The following MICAL3 variants were observed in gnomAD, a reference collection of about 807,000 sequenced individuals.
MICAL3 encodes the protein [F-actin]-monooxygenase MICAL3.
In MICAL3, 62 loss-of-function variants were observed where a neutral mutation model predicts 207.4. The ratio of observed to expected loss-of-function variants is 0.30; its 90% CI spans 0.24 to 0.37. The LOEUF (loss-of-function observed/expected upper bound fraction) is 0.37. Ranked by LOEUF, MICAL3 falls within the 10% of genes least tolerant of loss-of-function variation. The probability of loss-of-function intolerance (pLI) is 1.00; values close to 1 mark genes in which losing one functional copy is unlikely to be tolerated. For missense variants in MICAL3, 2,368 were observed against 2,635.6 expected, an observed-to-expected ratio of 0.90 and a Z score of 2.22; for synonymous variants, 1,077 against 1,069.3, an observed-to-expected ratio of 1.01 and a Z score of -0.14.
At chr22:17,895,882 C>T (rs1930785053) in intron 9 of MICAL3, among the ~76,000 whole-genome samples, 2 of 152,144 alleles carry the variant, frequency 1.3e-5, no homozygotes, top group African/African-American at 2.4e-5. Context: ...TATCAGAAAG[C>T]AAATCACAGG....
intron 1 of MICAL3, among the ~76,000 whole-genome samples, chr22:17,915,762 C>A (rs1932458688): frequency 1.3e-5 from 2 of 152,056 alleles, no homozygotes; most frequent in African/African-American, 4.8e-5. Flanking sequence ...AGCTTGCAAT[C>A]AATGTTCATT....
intron 18 of MICAL3, 54 bp from the exon 19 acceptor site, chr22:17,865,040 C>T: frequency 6.5e-7 from 1 of 1,543,088 alleles, no homozygotes; most frequent in Non-Finnish European, 8.8e-7. Flanking sequence ...CACTCAAATC[C>T]TCAAATCCCT....
intron 29 of MICAL3, among the ~76,000 whole-genome samples, chr22:17,805,267 G>T (rs1225173613): frequency 1.3e-5 from 2 of 152,372 alleles, no homozygotes; most frequent in East Asian, 1.9e-4. Context: ...GAAGAGGAAC[G>T]GGACGCAGAA....
chr22:17,842,532 G>A (rs747356954), intron 19 of MICAL3: 16 of 167,498 alleles, frequency 9.6e-5, no homozygotes, highest in Non-Finnish European at 2.0e-4. Flanking sequence ...CTCATGCTGC[G>A]GATCTGTCTC....
chr22:17,902,780 C>T lies in MICAL3; in HGVS notation c.473-33G>A. On this transcript the variant is annotated intron_variant, in intron 3 of 31. Coordinates refer to ENST00000441493, the MANE Select transcript of MICAL3 (RefSeq NM_015241.3). This position sits in a 1 kb window ranked among gnomAD's most constrained non-coding sequence, Gnocchi z 4.5. ...AATACAGAGATGACGTTGATGGGAACACATGGAGAAGGGGGTACCCATCCG... is the reference window on the plus strand; with the variant it reads ...AATACAGAGATGACGTTGATGGGAATACATGGAGAAGGGGGTACCCATCCG... 1 of 1,369,664 alleles carries T rather than the reference C, an allele frequency of 7.3e-7. No individual in the cohort carries two copies. 84.8% of individuals were successfully genotyped at this position (1,369,664 alleles called of 1,614,324 possible).
intron 22 of MICAL3, among the ~76,000 whole-genome samples, chr22:17,825,536 A>T (rs1922086700): frequency 6.6e-6 from 1 of 152,128 alleles, no homozygotes; most frequent in Non-Finnish European, 1.5e-5. Flanking sequence ...CTGCGCAAAG[A>T]GCAGTGGCCC....
In MICAL3 at chr22:17,887,450, C is replaced by G. The variant is rs1930015815; in HGVS notation, c.1892-15G>C. On this transcript the variant is annotated splice_polypyrimidine_tract_variant and intron_variant, in intron 13 of 31. Transcript: ENST00000441493. ...GTCCAAGGTGTCTGGGAATAGAAAC[C>G]AGTGATGTTCAAGCACAGCCCTTGA... The G allele has an allele frequency of 6.3e-7, 1 of 1,581,928 alleles. No individual in the cohort carries two copies. Among genetic ancestry groups the G allele is most frequent in the Admixed American group, 1.7e-5 (1 of 59,606 alleles).
At position 17,827,658 on chromosome 22, in the gene MICAL3, G is replaced by A. The variant is rs777046089; in HGVS notation, c.3179C>T (p.Ser1060Phe). 1.3e-6 allele frequency: 2 copies of A among 1,572,144 alleles called. No homozygotes were observed. Among genetic ancestry groups the A allele is most frequent in the African/African-American group, 1.4e-5 (1 of 73,956 alleles). The change falls in exon 22 of 32, where the codon TCC (serine) becomes TTC (phenylalanine). Residue 1060 changes from serine to phenylalanine, a missense_variant. Around this residue, in one of 4 missense-constraint regions of MICAL3, gnomAD observed 1,770 missense variants for 1,863.2 expected, o/e 0.95. Coordinates refer to ENST00000441493, the MANE Select transcript of MICAL3 (RefSeq NM_015241.3). Reference protein sequence around the residue: ...EEERMAPASESSASGAPLDEN... With the variant: ...EEERMAPASEFSASGAPLDEN... The stretch of plus-strand genomic sequence containing the variant: ...GGAGTGTTTACCTCCGGAAGCAGAG[G>A]ACTCAGAGGCCGGCGCCATCCTCTC...
At chr22:17,986,295 C>T (rs1050566984) in intron 1 of MICAL3, among the ~76,000 whole-genome samples, 2 of 152,120 alleles carry the variant, frequency 1.3e-5, no homozygotes, top group Non-Finnish European at 2.9e-5. Context: ...CCAAGATGGG[C>T]GGATCACCTG....
intron 1 of MICAL3, among the ~76,000 whole-genome samples, chr22:17,909,523 TCAAAACAAAA>T (rs1164710986): frequency 6.6e-6 from 1 of 152,132 alleles, no homozygotes; most frequent in Admixed American, 6.5e-5. Flanking sequence ...AGACCCTGTC[TCAAAACAAAA>T]CAAAACAAAA....
chr22:17,923,777 C>T (rs1421069595), intron 1 of MICAL3, among the ~76,000 whole-genome samples: 1 of 152,254 alleles, frequency 6.6e-6, no homozygotes, highest in Non-Finnish European at 1.5e-5. Flanking sequence ...AGTGTTACTG[C>T]TGTGACCCTC....
In MICAL3 at chr22:17,847,016, G is replaced by A. The variant is rs138479955; in HGVS notation, c.2606-4999C>T. Among the ~76,000 whole-genome samples, 374 of 152,314 alleles carry A rather than the reference G, an allele frequency of 2.5e-3. 4 individuals carry two copies. Among genetic ancestry groups the A allele is most frequent in the African/African-American group, 8.6e-3 (358 of 41,554 alleles). ...CAGGACAACCTGCTCTCGGCTGCTG[G>A]GCAAGAGCTGGCAGGGGGCTTTATT... On this transcript the variant is annotated intron_variant, in intron 19 of 31. Coordinates refer to ENST00000441493, the MANE Select transcript of MICAL3 (RefSeq NM_015241.3).
intron 1 of MICAL3, among the ~76,000 whole-genome samples, chr22:17,945,811 G>C (rs536519505): frequency 1.7e-4 from 26 of 152,238 alleles, no homozygotes; most frequent in Admixed American, 1.3e-3. Context: ...GGAGAGAAGA[G>C]GCTGTATTTA....
At position 17,870,794 on chromosome 22, in the gene MICAL3, T is replaced by C. The variant is rs545647525; in HGVS notation, c.2428+1043A>G. 5.3e-5 allele frequency among the ~76,000 whole-genome samples: 8 copies of C among 152,168 alleles called. No individual in the cohort carries two copies. The East Asian group carries it at 1.5e-3, about 29-fold the overall frequency. The stretch of plus-strand genomic sequence containing the variant: ...CTTTCATTCTTCCCCGACTCGGGAG[T>C]GCTTTTTACCAACATAGCAGAAGGG... On this transcript the variant is annotated intron_variant, in intron 17 of 31. Transcript: ENST00000441493.
intron 19 of MICAL3, chr22:17,864,268 G>A (rs1259744540): frequency 1.9e-6 from 2 of 1,049,496 alleles, no homozygotes; most frequent in Non-Finnish European, 2.3e-6. Context: ...TGGGACAGGT[G>A]AGGGCTTGGA....
At position 17,936,039 on chromosome 22, in the gene MICAL3, C is replaced by A. The variant is rs560939080; in HGVS notation, c.-74-29153G>T. On this transcript the variant is annotated intron_variant, in intron 1 of 31. Coordinates refer to ENST00000441493, the MANE Select transcript of MICAL3 (RefSeq NM_015241.3). ...GTGGCAATTCCTCAAGGATCTAGAG[C>A]TAGAATTACCATTTGACCCAGCAAT... Among the ~76,000 whole-genome samples the A allele has an allele frequency of 2.8e-3, 421 of 152,288 alleles. 3 individuals are homozygous for A. Among genetic ancestry groups the A allele is most frequent in the African/African-American group, 9.5e-3 (395 of 41,556 alleles).
rs188239433 is a variant in MICAL3 at position 17,987,257 on chromosome 22, A to T, written c.-75+37024T>A. Reference sequence around the variant, plus strand: ...CCCTAACTCGAAAAAAGAAAAAGAAACAAGAATAATCATTTTCCACAGACT... The same window carrying T: ...CCCTAACTCGAAAAAAGAAAAAGAATCAAGAATAATCATTTTCCACAGACT... On this transcript the variant is annotated intron_variant, in intron 1 of 31. Transcript: ENST00000441493. Among the ~76,000 whole-genome samples the T allele has an allele frequency of 3.3e-3, 508 of 152,294 alleles. 4 individuals are homozygous for T. In the Middle Eastern group the frequency reaches 0.058, roughly 17 times the overall value.
intron 1 of MICAL3, among the ~76,000 whole-genome samples, chr22:17,967,256 A>C (rs1169580993): frequency 6.6e-6 from 1 of 152,212 alleles, no homozygotes; most frequent in Non-Finnish European, 1.5e-5. Flanking sequence ...CATACAACCT[A>C]TTGGCTGAAA....
intron 20 of MICAL3, among the ~76,000 whole-genome samples, chr22:17,838,017 CT>C: frequency 6.6e-6 from 1 of 152,330 alleles, no homozygotes; most frequent in African/African-American, 2.4e-5. Flanking sequence ...GTTGCAGAGT[CT>C]GATCTTGAAC....
Sources: gnomAD v4.1 joint callset for allele counts (sites outside exome capture counted in the v4.1 genomes callset) on GRCh38, gnomAD v4.1.1 for gene constraint, gnomAD v4.1.1 regional missense constraint, Gnocchi (gnomAD v3.1) non-coding constraint, MANE v1.5 for transcripts, NCBI Gene and HGNC (gene_info 2026-07-23, HGNC 2026-07-21) for gene names.